The following GAB2 variants were observed in gnomAD, a reference collection of about 807,000 sequenced individuals.
The protein encoded by GAB2 is GRB2 associated binding protein 2, also known as GRB2-associated-binding protein 2.
GAB2 carries 26 observed loss-of-function variants against 65.5 expected under a neutral mutation model. The ratio of observed to expected loss-of-function variants is 0.40; its 90% CI spans 0.29 to 0.55. GAB2 has a LOEUF of 0.55. Ranked by LOEUF, GAB2 falls within the 20% of genes least tolerant of loss-of-function variation. The pLI is 0.53. For missense variants in GAB2, 884 were observed against 875.8 expected (o/e 1.01, Z -0.12); for synonymous variants, 321 against 329.6 (o/e 0.97, Z 0.28).
At chr11:78,258,284 G>A (rs1865646493) in intron 2 of GAB2, among the ~76,000 whole-genome samples, 1 of 152,082 alleles carries the variant, frequency 6.6e-6, no homozygotes, top group Non-Finnish European at 1.5e-5. Context: ...GGCAGAGACA[G>A]AAGGGTTAGG....
rs56709163 is a variant in GAB2 at position 78,322,298 on chromosome 11, CAAAAAAAAAAAAAA to C, written c.76-41411_76-41398del. On this transcript the variant is annotated intron_variant, in intron 1 of 9. Coordinates refer to ENST00000361507, the MANE Select transcript of GAB2 (RefSeq NM_080491.3). ...TGGCTGACAGAGGGAGACTCTGTCTCAAAAAAAAAAAAAAAAAAAAAAAAAAAAAAGTAAGATCT... is the reference window on the plus strand; with the variant it reads ...TGGCTGACAGAGGGAGACTCTGTCTCAAAAAAAAAAAAAAAAGTAAGATCT... Among the ~76,000 whole-genome samples the C allele has an allele frequency of 3.4e-3, 41 of 12,076 alleles. 1 individual carries two copies. The highest frequency in any genetic ancestry group is 7.9e-3 in the African/African-American group (39 of 4,966). 7.9% of individuals were successfully genotyped at this position (12,076 alleles called of 152,430 possible). A position where few individuals can be genotyped will look rare whatever the true frequency, so the allele number is the denominator to read the frequency against.
At chr11:78,341,958 G>T in intron 1 of GAB2, 1 of 814,786 alleles carries the variant, frequency 1.2e-6, no homozygotes, top group Non-Finnish European at 1.5e-6. Flanking sequence ...GTGTGGAAGG[G>T]AGACAAAGGC....
At chr11:78,380,972 A>T (rs1439046365) in intron 1 of GAB2, among the ~76,000 whole-genome samples, 1 of 152,186 alleles carries the variant, frequency 6.6e-6, no homozygotes, top group Non-Finnish European at 1.5e-5. Context: ...CTGCCTATGT[A>T]AGTGAAACCT....
At chr11:78,392,063 C>G (rs1037257074) in intron 1 of GAB2, 1 of 151,890 alleles carries the variant, frequency 6.6e-6, no homozygotes, top group Non-Finnish European at 1.5e-5. Context: ...ATGGTGAAAC[C>G]CTGTCTCTAC....
intron 1 of GAB2, among the ~76,000 whole-genome samples, chr11:78,289,909 A>G (rs778537986): frequency 1.3e-5 from 2 of 150,924 alleles, no homozygotes; most frequent in African/African-American, 2.4e-5. Context: ...GGTTCAGAGA[A>G]TATGGCACAG....
intron 1 of GAB2, among the ~76,000 whole-genome samples, chr11:78,316,793 C>T (rs1313131782): frequency 2.6e-5 from 4 of 152,042 alleles, no homozygotes; most frequent in Non-Finnish European, 4.4e-5. Context: ...GATACAGACC[C>T]CAAAAAACTG....
chr11:78,230,073 A>T (rs1372562809), intron 3 of GAB2, among the ~76,000 whole-genome samples: 1 of 152,194 alleles, frequency 6.6e-6, no homozygotes, highest in Non-Finnish European at 1.5e-5. Flanking sequence ...ACTGTGTCTT[A>T]CTCATTTTTC....
rs770364213 is a variant in GAB2, at chr11:78,215,862, T to C, written c.*3410A>G. The stretch of plus-strand genomic sequence containing the variant: ...GATGGGGAAGGAAGAACTCTGGAAA[T>C]GGGATAGGGGTGCTGGGCCGAGATG... On this transcript the variant is annotated 3_prime_UTR_variant, in exon 10 of 10. Transcript: ENST00000361507. The C allele has an allele frequency of 2.6e-5, 4 of 152,558 alleles. No individual in the cohort carries two copies. The highest frequency in any genetic ancestry group is 2.1e-4 in the South Asian group (1 of 4,818). The allele number at this position is 152,558 out of a possible 1,614,324, so 9.5% of individuals were successfully genotyped here.
intron 1 of GAB2, among the ~76,000 whole-genome samples, chr11:78,317,140 G>A (rs1028104586): frequency 6.6e-6 from 1 of 152,196 alleles, no homozygotes; most frequent in African/African-American, 2.4e-5. Flanking sequence ...GCCACCGGAG[G>A]AATAGGGCAT....
intron 1 of GAB2, among the ~76,000 whole-genome samples, chr11:78,368,634 A>C (rs904204645): frequency 6.6e-6 from 1 of 152,210 alleles, no homozygotes; most frequent in Admixed American, 6.5e-5. Context: ...AAAAGGAACA[A>C]TTAACCCTAA....
chr11:78,304,466 C>T (rs564284466), intron 1 of GAB2, among the ~76,000 whole-genome samples: 14 of 152,260 alleles, frequency 9.2e-5, no homozygotes, highest in African/African-American at 3.4e-4. Context: ...TACTCGATTT[C>T]GCCAAGGGCC....
At chr11:78,220,158 G>A (rs926630217) in intron 9 of GAB2, among the ~76,000 whole-genome samples, 161 bp downstream of exon 9, 1 of 152,212 alleles carries the variant, frequency 6.6e-6, no homozygotes, top group Non-Finnish European at 1.5e-5. Context: ...TTTAGACCTA[G>A]ATGAAAGCTC....
At chr11:78,342,182 T>C (rs1856107515) in intron 1 of GAB2, among the ~76,000 whole-genome samples, 1 of 152,226 alleles carries the variant, frequency 6.6e-6, no homozygotes. Flanking sequence ...CACCTTTTGC[T>C]TACACTCTAG....
intron 1 of GAB2, among the ~76,000 whole-genome samples, chr11:78,309,259 C>T (rs1309116438): frequency 6.6e-6 from 1 of 152,176 alleles, no homozygotes; most frequent in African/African-American, 2.4e-5. Flanking sequence ...GCAATACAAT[C>T]TACCCTTTAC....
chr11:78,245,175 T>C (rs1260694879), intron 3 of GAB2, among the ~76,000 whole-genome samples: 1 of 151,332 alleles, frequency 6.6e-6, no homozygotes, highest in Non-Finnish European at 1.5e-5. Flanking sequence ...AAATGGGGAG[T>C]TGTTGAATGG....
intron 1 of GAB2, among the ~76,000 whole-genome samples, chr11:78,357,800 T>A (rs1191682815): frequency 1.3e-5 from 2 of 152,282 alleles, no homozygotes; most frequent in Middle Eastern, 3.4e-3. Flanking sequence ...AAACAACAGG[T>A]GCTGGAGAGG....
chr11:78,223,740 A>C (rs1227108625), intron 5 of GAB2, 64 bp from the exon 6 acceptor site: 6 of 1,375,160 alleles, frequency 4.4e-6, no homozygotes, highest in Non-Finnish European at 5.0e-6. Context: ...GAAGGGGGTA[A>C]GACTTTGTAA....
chr11:78,275,671 A>G (rs1451901575), intron 2 of GAB2, among the ~76,000 whole-genome samples: 1 of 152,238 alleles, frequency 6.6e-6, no homozygotes, highest in East Asian at 1.9e-4. Context: ...TGATAATTAG[A>G]ACACTAGACA....
At chr11:78,360,568 A>AT (rs1197728703) in intron 1 of GAB2, among the ~76,000 whole-genome samples, 5 of 152,060 alleles carry the variant, frequency 3.3e-5, no homozygotes, top group South Asian at 4.2e-4. Context: ...TAAAAACACC[A>AT]TTTTTTTGGC....
Sources: gnomAD v4.1 joint callset for allele counts (sites outside exome capture counted in the v4.1 genomes callset) on GRCh38, gnomAD v4.1.1 for gene constraint, MANE v1.5 for transcripts, NCBI Gene and HGNC (gene_info 2026-07-23, HGNC 2026-07-21) for gene names.